The following PPHLN1 variants were observed in gnomAD, a reference collection of about 807,000 sequenced individuals.
PPHLN1 encodes the protein periphilin 1.
PPHLN1 carries 29 observed loss-of-function variants against 51.3 expected under a neutral mutation model. The observed-to-expected ratio is 0.57, with a 90% CI of 0.42 to 0.77. The LOEUF (loss-of-function observed/expected upper bound fraction) is 0.77, where lower values mean the gene tolerates loss of function less well. Ranked by LOEUF, PPHLN1 falls within the 30% of genes least tolerant of loss-of-function variation. PPHLN1 has a pLI of 0.00. For missense variants in PPHLN1, 436 were observed against 438.4 expected, an observed-to-expected ratio of 0.99 and a Z score of 0.05; for synonymous variants, 147 against 147.8, an observed-to-expected ratio of 0.99 and a Z score of 0.04.
At chr12:42,400,828 A>G (rs2078777635) in intron 9 of PPHLN1, among the ~76,000 whole-genome samples, 1 of 150,976 alleles carries the variant, frequency 6.6e-6, no homozygotes, top group African/African-American at 2.4e-5. Context: ...ACACACACAC[A>G]CACACGTGCA....
At chr12:42,380,826 A>G (rs1317283882) in intron 5 of PPHLN1, among the ~76,000 whole-genome samples, 1 of 152,204 alleles carries the variant, frequency 6.6e-6, no homozygotes, top group Non-Finnish European at 1.5e-5. Context: ...CTTAGCAACA[A>G]AATATCCTAG....
chr12:42,436,928 C>G (rs1293696530), intron 9 of PPHLN1, among the ~76,000 whole-genome samples: 1 of 152,204 alleles, frequency 6.6e-6, no homozygotes, highest in Non-Finnish European at 1.5e-5. Flanking sequence ...ACTGAAATCT[C>G]AGATAAAGTG....
intron 2 of PPHLN1, among the ~76,000 whole-genome samples, chr12:42,344,233 G>T (rs1208768902): frequency 6.6e-6 from 1 of 152,164 alleles, no homozygotes; most frequent in Admixed American, 6.5e-5. Flanking sequence ...AGTTGATTGT[G>T]ATAGGACATA....
At chr12:42,430,765 A>T (rs1400570458) in intron 9 of PPHLN1, among the ~76,000 whole-genome samples, 3 of 152,282 alleles carry the variant, frequency 2.0e-5, no homozygotes, top group South Asian at 2.1e-4. Context: ...AAGTGCTGGG[A>T]TTATGAGCGT....
chr12:42,396,632 A>AAAAG (rs2078235303), intron 8 of PPHLN1, among the ~76,000 whole-genome samples: 1 of 77,478 alleles, frequency 1.3e-5, no homozygotes, highest in Admixed American at 1.5e-4. Context: ...AAAAAAAAAA[A>AAAAG]AAAAAAAAAA....
At chr12:42,382,782 C>G (rs755965970) in intron 5 of PPHLN1, among the ~76,000 whole-genome samples, 2 of 151,876 alleles carry the variant, frequency 1.3e-5, no homozygotes, top group African/African-American at 4.8e-5. Flanking sequence ...TACAAAGATA[C>G]GAAAAACAAA....
intron 9 of PPHLN1, chr12:42,433,226 TGAATATA>T: frequency 1.3e-6 from 1 of 748,846 alleles, no homozygotes; most frequent in Non-Finnish European, 2.5e-6. Context: ...CATTTGCTCT[TGAATATA>T]CCTCTACTTC....
At chr12:42,442,585 A>C, downstream of PPHLN1, 2 of 1,609,580 alleles carry the variant, frequency 1.2e-6, no homozygotes, top group South Asian at 1.1e-5. Flanking sequence ...TCCCCTAGCC[A>C]TTCTTACACA....
At chr12:42,423,879 G>C (rs910862847) in intron 9 of PPHLN1, among the ~76,000 whole-genome samples, 1 of 152,096 alleles carries the variant, frequency 6.6e-6, no homozygotes, top group African/African-American at 2.4e-5. Context: ...GTTTTACCAT[G>C]TTGGCCAGGC....
chr12:42,441,406 T>C lies in PPHLN1; in HGVS notation c.1001T>C (p.Leu334Ser). Residue 334 changes from leucine (L) to serine (S), a missense_variant, in exon 10 of 10, where the codon TTG becomes TCG. Coordinates refer to ENST00000358314, the MANE Select transcript of PPHLN1 (RefSeq NM_201439.2). ...TTAGAAAAGTCTATACAGTTTGCAT[T>C]GAGGCAGAATTTACATGAAATAGGT... is the stretch of plus-strand genomic sequence containing the variant. ...PSLEKSIQFA[L>S]RQNLHEIGER... 3 of 1,614,130 alleles carry C rather than the reference T, an allele frequency of 1.9e-6. No homozygotes were observed. The highest frequency in any genetic ancestry group is 2.5e-6 in the Non-Finnish European group (3 of 1,180,008).
At chr12:42,419,518 G>A (rs2080793593) in intron 9 of PPHLN1, among the ~76,000 whole-genome samples, 1 of 152,212 alleles carries the variant, frequency 6.6e-6, no homozygotes, top group Non-Finnish European at 1.5e-5. Flanking sequence ...ACAGGCGTGA[G>A]CCACCACGCC....
intron 1 of PPHLN1, among the ~76,000 whole-genome samples, chr12:42,330,765 A>T (rs1644686916): frequency 6.6e-6 from 1 of 152,158 alleles, no homozygotes; most frequent in African/African-American, 2.4e-5. Flanking sequence ...GCTGGAGTGC[A>T]GTGGTGCAAT....
rs769827665 is a variant in PPHLN1 at position 42,374,597 on chromosome 12, C to T, written c.300-266C>T. 5.4e-5 allele frequency: 15 copies of T among 278,598 alleles called. No individual in the cohort carries two copies. In the East Asian group the frequency reaches 7.9e-4, roughly 15 times the overall value. 17.3% of individuals were successfully genotyped at this position (278,598 alleles called of 1,614,324 possible). A position where few individuals can be genotyped will look rare whatever the true frequency, so the allele number is the denominator to read the frequency against. On this transcript the variant is annotated intron_variant, in intron 4 of 9. Coordinates refer to ENST00000358314, the MANE Select transcript of PPHLN1 (RefSeq NM_201439.2). ...TGGGGACTACAGGCACCTGCCACCA[C>T]GCCCAGCTAATTTTTTTTTTTTTTT...
At chr12:42,360,885 A>G (rs934420742) in intron 4 of PPHLN1, among the ~76,000 whole-genome samples, 1 of 152,168 alleles carries the variant, frequency 6.6e-6, no homozygotes, top group Non-Finnish European at 1.5e-5. Flanking sequence ...TGGAGTCTGC[A>G]AAGTTTCTTT....
intron 4 of PPHLN1, among the ~76,000 whole-genome samples, chr12:42,373,577 T>G (rs1334434303): frequency 6.6e-6 from 1 of 152,206 alleles, no homozygotes; most frequent in Non-Finnish European, 1.5e-5. Flanking sequence ...TGTCTGAAAT[T>G]TAGTATTCTT....
intron 9 of PPHLN1, chr12:42,400,222 A>G (rs2078668972): frequency 6.6e-6 from 1 of 151,710 alleles, no homozygotes; most frequent in South Asian, 2.1e-4. Flanking sequence ...TAATCCCAGC[A>G]CTTTGGGAGG....
intron 9 of PPHLN1, among the ~76,000 whole-genome samples, chr12:42,413,610 G>A (rs2080094551): frequency 6.6e-6 from 1 of 150,852 alleles, no homozygotes; most frequent in African/African-American, 2.4e-5. Context: ...TGCCCGGGCT[G>A]GAGTGCAGTG....
At chr12:42,399,399 A>G (rs140008697) in intron 9 of PPHLN1, 1 of 905,840 alleles carries the variant, frequency 1.1e-6, no homozygotes, top group East Asian at 1.2e-4. Context: ...ATATTAAAGG[A>G]AAAATAAAGG....
intron 4 of PPHLN1, among the ~76,000 whole-genome samples, chr12:42,371,592 T>C (rs2075811726): frequency 6.6e-6 from 1 of 152,220 alleles, no homozygotes; most frequent in Admixed American, 6.5e-5. Flanking sequence ...CTGCTTTTTC[T>C]AAAGTTTGTG....
Sources: allele counts gnomAD v4.1 joint callset (sites outside exome capture counted in the v4.1 genomes callset), GRCh38; gene constraint gnomAD v4.1.1; transcripts MANE v1.5; gene names NCBI Gene and HGNC (gene_info 2026-07-23, HGNC 2026-07-21).